PRKAG2: variants seen among roughly 807,000 people sequenced by gnomAD.
The protein encoded by PRKAG2 is protein kinase AMP-activated non-catalytic subunit gamma 2, also known as 5'-AMP-activated protein kinase subunit gamma-2.
A neutral mutation model predicts 69.6 loss-of-function variants in PRKAG2; 26 were observed. That is an observed-to-expected ratio of 0.37 (90% CI 0.27 to 0.52). The LOEUF (loss-of-function observed/expected upper bound fraction) is 0.52. Among genes scored for constraint, PRKAG2 ranks in the 20% least tolerant of loss-of-function variants. The pLI is 0.90. For synonymous variants in PRKAG2, 293 were observed against 285.0 expected (o/e 1.03, Z -0.28); for missense variants, 557 against 740.0 (o/e 0.75, Z 2.87).
chr7:151,608,324 G>A (rs1817997231), intron 5 of PRKAG2, among the ~76,000 whole-genome samples: 1 of 152,218 alleles, frequency 6.6e-6, no homozygotes, highest in Non-Finnish European at 1.5e-5. Context: ...GGCCTTCAAA[G>A]TTCAGTTCAA....
chr7:151,589,292 G>A (rs892024832), intron 6 of PRKAG2, among the ~76,000 whole-genome samples: 1 of 152,128 alleles, frequency 6.6e-6, no homozygotes, highest in African/African-American at 2.4e-5. Context: ...CCCACCCAGA[G>A]ACATAAGCAC....
chr7:151,578,679 A>G (rs946550512), intron 6 of PRKAG2, among the ~76,000 whole-genome samples: 5 of 152,226 alleles, frequency 3.3e-5, no homozygotes. Context: ...GGAAATGAGT[A>G]GAGCCAACCC....
chr7:151,689,560 G>T (rs1045668133), intron 3 of PRKAG2, among the ~76,000 whole-genome samples: 2 of 152,224 alleles, frequency 1.3e-5, no homozygotes, highest in Non-Finnish European at 2.9e-5. Context: ...GGAGAAGGCG[G>T]CAGAGGCGGG....
chr7:151,827,761 A>AAAC (rs2078937552), intron 1 of PRKAG2, among the ~76,000 whole-genome samples: 2 of 149,594 alleles, frequency 1.3e-5, no homozygotes, highest in Non-Finnish European at 1.5e-5. Flanking sequence ...AAAAAAAAAA[A>AAAC]AAAAAAAAAA....
Position 151,807,657 on chromosome 7 carries a change from T to C in PRKAG2, c.115-21116A>G. The C allele has an allele frequency of 2.2e-6, 1 of 456,356 alleles. No individual in the cohort carries two copies. Among genetic ancestry groups the C allele is most frequent in the Non-Finnish European group, 4.4e-6 (1 of 225,826 alleles). 28.3% of individuals were successfully genotyped at this position (456,356 alleles called of 1,614,324 possible). A position where few individuals can be genotyped will look rare whatever the true frequency, so the allele number is the denominator to read the frequency against. ...ACAGGTAAGTCCCAGCAGGGTGCGA[T>C]GTCCCAAACCTACACAACCGTTTCC... On this transcript the variant is annotated intron_variant, in intron 1 of 15. Coordinates refer to ENST00000287878, the MANE Select transcript of PRKAG2 (RefSeq NM_016203.4). This position sits in a 1 kb window ranked among gnomAD's most constrained non-coding sequence, Gnocchi z 4.4.
intron 1 of PRKAG2, among the ~76,000 whole-genome samples, chr7:151,860,839 C>T (rs943870732): frequency 7.9e-5 from 12 of 152,176 alleles, no homozygotes; most frequent in African/African-American, 2.9e-4. Context: ...ACCTGTCTTC[C>T]ATGCCATGAC....
At chr7:151,609,942 G>A (rs1288014388) in intron 5 of PRKAG2, among the ~76,000 whole-genome samples, 10 of 152,188 alleles carry the variant, frequency 6.6e-5, no homozygotes, top group African/African-American at 1.2e-4. Context: ...CTCCTGCCAT[G>A]AGCAGCACGA....
intron 3 of PRKAG2, among the ~76,000 whole-genome samples, chr7:151,721,567 TC>T (rs1190137616): frequency 6.6e-6 from 1 of 152,002 alleles, no homozygotes; most frequent in Non-Finnish European, 1.5e-5. Flanking sequence ...TCACCTAATG[TC>T]CCCCTCCAGG....
chr7:151,687,453 G>GA (rs1834905485), intron 3 of PRKAG2, among the ~76,000 whole-genome samples: 1 of 152,228 alleles, frequency 6.6e-6, no homozygotes, highest in Non-Finnish European at 1.5e-5. Flanking sequence ...CAATGAAAGG[G>GA]AAATGTTAGC....
At chr7:151,708,820 T>C (rs1004906926) in intron 3 of PRKAG2, among the ~76,000 whole-genome samples, 7 of 152,180 alleles carry the variant, frequency 4.6e-5, no homozygotes, top group African/African-American at 1.2e-4. Flanking sequence ...TTAAGTTCCA[T>C]GTGAGCCAAC....
chr7:151,750,022 G>C (rs546192601), intron 3 of PRKAG2, among the ~76,000 whole-genome samples: 2 of 151,148 alleles, frequency 1.3e-5, no homozygotes, highest in African/African-American at 4.9e-5. Context: ...GCTTGAACCT[G>C]GGAAGCAGAG....
rs200097749 is a variant in PRKAG2 at position 151,565,903 on chromosome 7, G to A, written c.1234-18C>T. The A allele has an allele frequency of 5.6e-6, 9 of 1,609,074 alleles. No individual in the cohort carries two copies. Among genetic ancestry groups the A allele is most frequent in the African/African-American group, 5.3e-5 (4 of 74,782 alleles). ...TCAGACATCTAAACGGAAGATAAAC[G>A]CAAACGTTCTAGACCCAGAACACAC... is the stretch of plus-strand genomic sequence containing the variant. On this transcript the variant is annotated intron_variant, in intron 11 of 15. Transcript: ENST00000287878.
chr7:151,845,318 C>A (rs2079404923), intron 1 of PRKAG2, among the ~76,000 whole-genome samples: 1 of 152,172 alleles, frequency 6.6e-6, no homozygotes, highest in Admixed American at 6.5e-5. Flanking sequence ...CCTTGAGCTG[C>A]AAGAGGGCTC....
intron 1 of PRKAG2, among the ~76,000 whole-genome samples, chr7:151,812,501 C>G (rs1365644057): frequency 6.6e-6 from 1 of 152,234 alleles, no homozygotes; most frequent in Non-Finnish European, 1.5e-5. Context: ...CCAGGGACCC[C>G]TGGTTATCCA....
chr7:151,617,025 C>T (rs73479362), intron 5 of PRKAG2, among the ~76,000 whole-genome samples: 6,127 of 151,760 alleles, frequency 0.04, 410 homozygotes, highest in African/African-American at 0.14. Context: ...TTTGGGAGGC[C>T]GAGGTTGGCA....
intron 3 of PRKAG2, among the ~76,000 whole-genome samples, chr7:151,689,720 G>T (rs1835357172): frequency 1.3e-5 from 2 of 152,272 alleles, no homozygotes; most frequent in South Asian, 2.1e-4. Flanking sequence ...CTCCAACCAG[G>T]GCTCTCCTGG....
At chr7:151,636,469 C>G (rs926970111) in intron 4 of PRKAG2, among the ~76,000 whole-genome samples, 2 of 152,170 alleles carry the variant, frequency 1.3e-5, no homozygotes, top group African/African-American at 4.8e-5. Flanking sequence ...CATTGTAACA[C>G]GGATCAGCAC....
rs1459861019 is a variant in PRKAG2, at chr7:151,773,044, AGAGAGAGAGGGAGGGAGG to A, written c.466+8090_466+8107del. Among the ~76,000 whole-genome samples the A allele has an allele frequency of 2.3e-3, 79 of 33,728 alleles. 2 individuals are homozygous for A. Among genetic ancestry groups the A allele is most frequent in the Middle Eastern group, 0.012 (1 of 86 alleles). 22.1% of individuals were successfully genotyped at this position (33,728 alleles called of 152,430 possible). On this transcript the variant is annotated intron_variant, in intron 3 of 15. Transcript: ENST00000287878. Reference sequence around the variant, plus strand: ...AAGAAAGAGAGAGAGAGAGAGAGAGAGAGAGAGAGGGAGGGAGGGAGGGAGGGAGGGAGGGAGGGAGGG... The same window carrying A: ...AAGAAAGAGAGAGAGAGAGAGAGAGAGAGGGAGGGAGGGAGGGAGGGAGGG...
chr7:151,819,661 G>A (rs534296456), intron 1 of PRKAG2, among the ~76,000 whole-genome samples: 12 of 152,232 alleles, frequency 7.9e-5, no homozygotes, highest in Admixed American at 2.0e-4. Context: ...ACCAACCCCC[G>A]CAAAGGATAA....
Sources: allele counts gnomAD v4.1 joint callset (sites outside exome capture counted in the v4.1 genomes callset), GRCh38; gene constraint gnomAD v4.1.1; non-coding constraint Gnocchi (gnomAD v3.1); transcripts MANE v1.5; gene names NCBI Gene and HGNC (gene_info 2026-07-23, HGNC 2026-07-21).